Variants in CPPED1 observed in about 807,000 individuals in gnomAD.
The protein encoded by CPPED1 is serine/threonine-protein phosphatase CPPED1.
Under a neutral mutation model 28.0 loss-of-function variants are expected in CPPED1, and 28 were observed. The ratio of observed to expected loss-of-function variants is 1.00; its 90% confidence interval spans 0.74 to 1.37. The LOEUF is 1.37. Ranked by LOEUF, CPPED1 falls within the 40% of genes most tolerant of loss-of-function variation. CPPED1 has a pLI of 0.00. For missense variants in CPPED1, 504 were observed against 416.5 expected, an observed-to-expected ratio of 1.21 and a Z score of -1.83; for synonymous variants, 198 against 180.2, an observed-to-expected ratio of 1.10 and a Z score of -0.79.
At chr16:12,737,392 C>A (rs1453069766) in intron 2 of CPPED1, among the ~76,000 whole-genome samples, 1 of 152,044 alleles carries the variant, frequency 6.6e-6, no homozygotes, top group Non-Finnish European at 1.5e-5. Flanking sequence ...GAAAAGGACA[C>A]AGAGGAACCA....
chr16:12,743,690 C>G (rs2080267910), intron 2 of CPPED1, among the ~76,000 whole-genome samples: 1 of 152,160 alleles, frequency 6.6e-6, no homozygotes, highest in Non-Finnish European at 1.5e-5. Context: ...AAATGGAAAT[C>G]CACGTGCTCA....
chr16:12,780,885 C>T (rs1016379807), intron 2 of CPPED1: 3 of 376,356 alleles, frequency 8.0e-6, no homozygotes, highest in Non-Finnish European at 9.7e-6. Flanking sequence ...GGAAGCAGTT[C>T]AAGTTTGTCC....
Position 12,704,736 on chromosome 16 carries a change from G to T in CPPED1, c.603C>A (p.Ile201=). ...IARQRHCQHA[I]VFQHIPLFLE... Reference sequence around the variant, plus strand: ...GGAACAGCGGGATGTGCTGGAAGACGATGGCATGCTGGCAGTGCCGCTGCC... The same window carrying T: ...GGAACAGCGGGATGTGCTGGAAGACTATGGCATGCTGGCAGTGCCGCTGCC... The change falls in exon 3 of 4, where the codon ATC becomes ATA. Residue 201 remains isoleucine, a synonymous_variant. Coordinates refer to ENST00000381774, the MANE Select transcript of CPPED1 (RefSeq NM_018340.3). 6.2e-7 allele frequency: 1 copy of T among 1,614,200 alleles called. No individual in the cohort carries two copies. Among genetic ancestry groups the T allele is most frequent in the Non-Finnish European group, 8.5e-7 (1 of 1,180,036 alleles).
intron 2 of CPPED1, among the ~76,000 whole-genome samples, chr16:12,778,799 T>C (rs2080513067): frequency 2.0e-5 from 3 of 152,302 alleles, no homozygotes; most frequent in Admixed American, 2.0e-4. Flanking sequence ...CAAACCACAA[T>C]ATTCAAAACA....
At chr16:12,742,371 G>A (rs1018033938) in intron 2 of CPPED1, among the ~76,000 whole-genome samples, 1 of 152,180 alleles carries the variant, frequency 6.6e-6, no homozygotes, top group Non-Finnish European at 1.5e-5. Flanking sequence ...GATGAGGAAG[G>A]TAGAAAATTC....
rs540666698 is a variant in CPPED1, at chr16:12,781,154, A to G, written c.289+31T>C. 3 of 1,586,824 alleles carry G rather than the reference A, an allele frequency of 1.9e-6. No homozygotes were observed. In the East Asian group the frequency reaches 6.8e-5, roughly 36 times the overall value. On this transcript the variant is annotated intron_variant, in intron 2 of 3. Transcript: ENST00000381774. ...ATGCAGTCATGACCGGCTGAAGGAG[A>G]AAAGGTCACAAGCGATGACCCGAGT...
At chr16:12,752,326 G>C (rs2080335226) in intron 2 of CPPED1, among the ~76,000 whole-genome samples, 1 of 152,044 alleles carries the variant, frequency 6.6e-6, no homozygotes, top group Non-Finnish European at 1.5e-5. Context: ...ATCACTGTTA[G>C]GGGTTTAATG....
chr16:12,679,290 T>G (rs1487900256), intron 3 of CPPED1, among the ~76,000 whole-genome samples: 2 of 152,262 alleles, frequency 1.3e-5, no homozygotes, highest in African/African-American at 4.8e-5. Flanking sequence ...TAGGTGGATA[T>G]TCTTTTTACT....
intron 2 of CPPED1, among the ~76,000 whole-genome samples, chr16:12,755,472 G>C (rs1434159176): frequency 1.3e-5 from 2 of 151,470 alleles, no homozygotes. Context: ...TGTAGAGATG[G>C]GGTCTCACTA....
chr16:12,680,011 A>G (rs2079896908), intron 3 of CPPED1, among the ~76,000 whole-genome samples: 3 of 152,202 alleles, frequency 2.0e-5, no homozygotes. Flanking sequence ...AGTAGCTCCA[A>G]GAGATTACCT....
intron 3 of CPPED1, among the ~76,000 whole-genome samples, chr16:12,690,252 G>A (rs567215555): frequency 1.3e-5 from 2 of 151,802 alleles, no homozygotes; most frequent in Non-Finnish European, 2.9e-5. Flanking sequence ...TGGCTCATGC[G>A]TATAACCACA....
At chr16:12,668,026 AG>A (rs2079834649) in intron 3 of CPPED1, among the ~76,000 whole-genome samples, 2 of 152,236 alleles carry the variant, frequency 1.3e-5, no homozygotes, top group African/African-American at 4.8e-5. Context: ...CACAGATAGC[AG>A]GAATCTTAAC....
intron 2 of CPPED1, among the ~76,000 whole-genome samples, chr16:12,767,987 T>C (rs571429823): frequency 4.6e-5 from 7 of 152,208 alleles, no homozygotes; most frequent in African/African-American, 7.2e-5. Context: ...CCCTGCCCTA[T>C]TGGACACTGT....
chr16:12,799,826 TG>T (rs1405569234), intron 1 of CPPED1, among the ~76,000 whole-genome samples: 1 of 152,218 alleles, frequency 6.6e-6, no homozygotes, highest in Non-Finnish European at 1.5e-5. Context: ...TGACCCATCC[TG>T]GGTGTGTCTA....
intron 3 of CPPED1, among the ~76,000 whole-genome samples, chr16:12,699,783 A>G (rs1253787660): frequency 6.8e-6 from 1 of 147,088 alleles, no homozygotes; most frequent in Non-Finnish European, 1.5e-5. Flanking sequence ...GTAGTAGGGA[A>G]TAATATTGCC....
intron 2 of CPPED1, among the ~76,000 whole-genome samples, chr16:12,774,891 G>T (rs976406124): frequency 1.3e-5 from 2 of 152,090 alleles, no homozygotes; most frequent in African/African-American, 4.8e-5. Context: ...GCATGATCAC[G>T]GCTCACTGAA....
rs561789701 is a variant in CPPED1 at position 12,786,254 on chromosome 16, T to C, written c.71-4851A>G. On this transcript the variant is annotated intron_variant, in intron 1 of 3. Transcript: ENST00000381774. ...CCAGCCCAGATCCACTGGGTGAGGA[T>C]CTGCATTTTACTGAACCCCGGGGTG... Among the ~76,000 whole-genome samples, 7 of 152,234 alleles carry C rather than the reference T, an allele frequency of 4.6e-5. No homozygotes were observed. The South Asian group carries it at 1.2e-3, about 27-fold the overall frequency.
chr16:12,725,721 G>C (rs1567287558), intron 2 of CPPED1, among the ~76,000 whole-genome samples: 1 of 152,190 alleles, frequency 6.6e-6, no homozygotes, highest in African/African-American at 2.4e-5. Context: ...GTGACCACTA[G>C]CTGTAATCTT....
chr16:12,685,032 C>G (rs9926345), intron 3 of CPPED1, among the ~76,000 whole-genome samples: 10,655 of 152,298 alleles, frequency 0.07, 919 homozygotes, highest in African/African-American at 0.2. Context: ...TTACTCACGA[C>G]AGGGTGGAAA....
Sources: allele counts gnomAD v4.1 joint callset (sites outside exome capture counted in the v4.1 genomes callset), GRCh38; gene constraint gnomAD v4.1.1; transcripts MANE v1.5; gene names NCBI Gene and HGNC (gene_info 2026-07-23, HGNC 2026-07-21).